The following VAPA variants were observed in gnomAD, a reference collection of about 807,000 sequenced individuals.
VAPA encodes VAMP associated protein A, also known as vesicle-associated membrane protein-associated protein A.
VAPA carries 6 observed loss-of-function variants against 25.6 expected under a neutral mutation model. The ratio of observed to expected loss-of-function variants is 0.23; its 90% CI spans 0.13 to 0.46. The LOEUF (loss-of-function observed/expected upper bound fraction) is 0.46, where lower values mean the gene tolerates loss of function less well. Ranked by LOEUF, VAPA falls within the 20% of genes least tolerant of loss-of-function variation. The probability of loss-of-function intolerance (pLI) is 0.99; values close to 1 mark genes in which losing one functional copy is unlikely to be tolerated. For missense variants in VAPA, 244 were observed against 302.1 expected (o/e 0.81, Z 1.43); for synonymous variants, 112 against 106.2 (o/e 1.05, Z -0.34).
intron 4 of VAPA, 115 bp downstream of exon 4, chr18:9,937,181 A>G: frequency 1.7e-6 from 1 of 598,394 alleles, no homozygotes; most frequent in Non-Finnish European, 2.7e-6. Flanking sequence ...TACACTTCAT[A>G]AGACTCAGTG....
intron 5 of VAPA, 106 bp downstream of exon 5, chr18:9,950,674 T>C (rs2069480700): frequency 1.7e-6 from 2 of 1,200,792 alleles, no homozygotes; most frequent in South Asian, 1.6e-5. Context: ...GCTTGGTCAG[T>C]TCTTTCTTCT....
At chr18:9,940,023 G>T (rs1451840078) in intron 4 of VAPA, among the ~76,000 whole-genome samples, 2 of 152,178 alleles carry the variant, frequency 1.3e-5, no homozygotes, top group Non-Finnish European at 2.9e-5. Flanking sequence ...TGGTTATTCA[G>T]TGGTAGAGTT....
At chr18:9,935,192 T>C (rs2069296547) in intron 2 of VAPA, among the ~76,000 whole-genome samples, 1 of 152,190 alleles carries the variant, frequency 6.6e-6, no homozygotes, top group Non-Finnish European at 1.5e-5. Flanking sequence ...TTGTGTACTT[T>C]TGTTTTCTTA....
chr18:9,932,421 G>T (rs2069265102), intron 2 of VAPA, among the ~76,000 whole-genome samples: 1 of 152,122 alleles, frequency 6.6e-6, no homozygotes, highest in South Asian at 2.1e-4. Flanking sequence ...CATTGTAAAT[G>T]TCAACAGTGT....
At chr18:9,919,374 A>G (rs1015456652) in intron 1 of VAPA, among the ~76,000 whole-genome samples, 2 of 152,252 alleles carry the variant, frequency 1.3e-5, no homozygotes, top group African/African-American at 4.8e-5. Context: ...AGTATCTGCT[A>G]CATGTCAGGT....
At chr18:9,926,641 A>G (rs941106914) in intron 1 of VAPA, among the ~76,000 whole-genome samples, 2 of 152,138 alleles carry the variant, frequency 1.3e-5, no homozygotes, top group African/African-American at 4.8e-5. Context: ...CTACTCACAT[A>G]GTGAGTTTGC....
intron 1 of VAPA, among the ~76,000 whole-genome samples, chr18:9,919,221 C>T (rs902678014): frequency 3.3e-5 from 5 of 152,150 alleles, no homozygotes; most frequent in African/African-American, 1.2e-4. Flanking sequence ...TTACTCACAC[C>T]AGAAACAATA....
chr18:9,931,966 G>A lies in VAPA; in HGVS notation c.232+4G>A, dbSNP rs768465993. The A allele has an allele frequency of 4.5e-6, 7 of 1,570,314 alleles. No individual in the cohort carries two copies. The highest frequency in any genetic ancestry group is 1.7e-4 in the Middle Eastern group (1 of 5,932). Reference sequence around the variant, plus strand: ...GGGTCAACTGTGACTGTTTCAGGTAGCAAATCATGTTCTGAATTTATGTAC... The same window carrying A: ...GGGTCAACTGTGACTGTTTCAGGTAACAAATCATGTTCTGAATTTATGTAC... On this transcript the variant is annotated splice_donor_region_variant and intron_variant, in intron 2 of 5. Coordinates refer to ENST00000400000, the MANE Select transcript of VAPA (RefSeq NM_194434.3).
chr18:9,928,055 A>C (rs1046875242), intron 1 of VAPA, among the ~76,000 whole-genome samples: 2 of 152,116 alleles, frequency 1.3e-5, no homozygotes, highest in African/African-American at 4.8e-5. Flanking sequence ...TCTCTAATAT[A>C]AGTTTCTATC....
chr18:9,951,260 T>A (rs994071071), intron 5 of VAPA: 1 of 152,272 alleles, frequency 6.6e-6, no homozygotes, highest in African/African-American at 2.4e-5. Flanking sequence ...TCACTGTGAC[T>A]GGAAAGGCCC....
Position 9,959,243 on chromosome 18 carries a change from T to C in VAPA, c.*5032T>C, listed in dbSNP as rs2069581667. On this transcript the variant is annotated 3_prime_UTR_variant, in exon 6 of 6. Coordinates refer to ENST00000400000, the MANE Select transcript of VAPA (RefSeq NM_194434.3). ...ATTGACTCCTCACAAACAGTAAGTA[T>C]GGCAATTTTGTGATGCCTTTGATTC... The C allele has an allele frequency of 6.6e-6, 1 of 152,232 alleles. No individual in the cohort carries two copies. Among genetic ancestry groups the C allele is most frequent in the Admixed American group, 6.5e-5 (1 of 15,274 alleles). The allele number at this position is 152,232 out of a possible 1,614,324, so 9.4% of individuals were successfully genotyped here.
Position 9,957,602 on chromosome 18 carries a change from A to G in VAPA, c.*3391A>G, listed in dbSNP as rs1185148815. 6.6e-6 allele frequency: 1 copy of G among 152,198 alleles called. No homozygotes were observed. Among genetic ancestry groups the G allele is most frequent in the Non-Finnish European group, 1.5e-5 (1 of 68,030 alleles). 9.4% of individuals were successfully genotyped at this position (152,198 alleles called of 1,614,324 possible). ...GAGGGAAGGATCAATGCTTATTACC[A>G]TTTGGAAAAACGAAGATCAGAAGGT... is the stretch of plus-strand genomic sequence containing the variant. On this transcript the variant is annotated 3_prime_UTR_variant, in exon 6 of 6. Coordinates refer to ENST00000400000, the MANE Select transcript of VAPA (RefSeq NM_194434.3).
At chr18:9,950,708 A>T in intron 5 of VAPA, 140 bp downstream of exon 5, 5 of 751,158 alleles carry the variant, frequency 6.7e-6, no homozygotes, top group Non-Finnish European at 1.0e-5. Flanking sequence ...TTTGCTCCCC[A>T]CCCTACTCCT....
At chr18:9,929,154 G>A (rs921663586) in intron 1 of VAPA, among the ~76,000 whole-genome samples, 4 of 152,082 alleles carry the variant, frequency 2.6e-5, no homozygotes, top group Non-Finnish European at 5.9e-5. Flanking sequence ...CATTTTTCCT[G>A]TTCACGTAAT....
intron 1 of VAPA, among the ~76,000 whole-genome samples, chr18:9,919,795 T>C (rs1002894433): frequency 1.3e-5 from 2 of 152,130 alleles, no homozygotes; most frequent in African/African-American, 4.8e-5. Context: ...GGAGGAGCAG[T>C]AAAGATGGAG....
intron 3 of VAPA, 33 bp from the exon 4 acceptor site, chr18:9,936,953 C>T (rs1359702403): frequency 1.3e-6 from 2 of 1,582,556 alleles, no homozygotes; most frequent in Non-Finnish European, 8.7e-7. Context: ...ATCATACCTC[C>T]TATGTCTCAT....
chr18:9,919,466 A>C (rs762783588), intron 1 of VAPA, among the ~76,000 whole-genome samples: 1 of 152,228 alleles, frequency 6.6e-6, no homozygotes, highest in Non-Finnish European at 1.5e-5. Context: ...AGAGAGATAG[A>C]TACTAATAAA....
At chr18:9,914,755 C>T (rs981931924) in intron 1 of VAPA, 1 of 152,168 alleles carries the variant, frequency 6.6e-6, no homozygotes, top group Non-Finnish European at 1.5e-5. Context: ...AGGGCGTGCG[C>T]TCTGGGCTGC....
intron 1 of VAPA, among the ~76,000 whole-genome samples, chr18:9,916,239 T>C (rs2069111110): frequency 6.6e-6 from 1 of 152,228 alleles, no homozygotes; most frequent in South Asian, 2.1e-4. Flanking sequence ...CTTACTCATA[T>C]ATTTCCTTTT....
Sources: allele counts gnomAD v4.1 joint callset (sites outside exome capture counted in the v4.1 genomes callset), GRCh38; gene constraint gnomAD v4.1.1; transcripts MANE v1.5; gene names NCBI Gene and HGNC (gene_info 2026-07-23, HGNC 2026-07-21).